Variants in CDYL observed in about 807,000 individuals in gnomAD.
CDYL encodes chromodomain Y-like protein.
In CDYL, 8 loss-of-function variants were observed where a neutral mutation model predicts 47.3. The observed-to-expected ratio is 0.17, with a 90% CI of 0.10 to 0.31. CDYL has a LOEUF of 0.31. Among genes scored for constraint, CDYL ranks in the 10% least tolerant of loss-of-function variants. CDYL has a pLI of 1.00. For missense variants in CDYL, 471 were observed against 701.4 expected (o/e 0.67, Z 3.71); for synonymous variants, 266 against 265.0 (o/e 1.00, Z -0.04).
intron 3 of CDYL, among the ~76,000 whole-genome samples, chr6:4,764,946 T>G (rs950410829): frequency 4.6e-5 from 7 of 152,132 alleles, no homozygotes; most frequent in African/African-American, 1.7e-4. Context: ...TGTATAAAAC[T>G]TAAGCAATTT....
At chr6:4,734,201 G>A (rs1757660185) in intron 2 of CDYL, among the ~76,000 whole-genome samples, 1 of 152,172 alleles carries the variant, frequency 6.6e-6, no homozygotes, top group African/African-American at 2.4e-5. Flanking sequence ...TAGGGGAAAG[G>A]TGCCTTTATG....
chr6:4,766,974 C>T (rs1190723727), intron 3 of CDYL, among the ~76,000 whole-genome samples: 1 of 151,886 alleles, frequency 6.6e-6, no homozygotes, highest in Non-Finnish European at 1.5e-5. Context: ...TGTACTCCAG[C>T]CTGGGTGACA....
At chr6:4,769,965 T>TGTGTG (rs1758313510) in intron 3 of CDYL, among the ~76,000 whole-genome samples, 1 of 137,816 alleles carries the variant, frequency 7.3e-6, no homozygotes, top group African/African-American at 2.7e-5. Context: ...CCCGGCTAAT[T>TGTGTG]TGTGTGTGTG....
At chr6:4,734,074 A>T (rs1339517942) in intron 2 of CDYL, among the ~76,000 whole-genome samples, 4 of 152,116 alleles carry the variant, frequency 2.6e-5, no homozygotes, top group African/African-American at 9.7e-5. Flanking sequence ...TCCTGGCCTC[A>T]GGTGATCCAT....
At chr6:4,712,582 T>C (rs1051895792) in intron 1 of CDYL, among the ~76,000 whole-genome samples, 1 of 152,226 alleles carries the variant, frequency 6.6e-6, no homozygotes, top group Non-Finnish European at 1.5e-5. Context: ...CAGCTGCGGA[T>C]GGTGGGTACT....
chr6:4,932,232 T>G (rs962133415), intron 2 of CDYL, among the ~76,000 whole-genome samples: 3 of 152,204 alleles, frequency 2.0e-5, no homozygotes, highest in African/African-American at 7.2e-5. Context: ...ATTGTGTTAA[T>G]TATCCTCATA....
At chr6:4,787,521 G>C (rs879476461) in intron 1 of CDYL, among the ~76,000 whole-genome samples, 2 of 152,170 alleles carry the variant, frequency 1.3e-5, no homozygotes, top group East Asian at 1.9e-4. Flanking sequence ...ATGTTGAAAA[G>C]ATCATGGAAA....
chr6:4,846,443 AT>A (rs1454096311), intron 1 of CDYL, among the ~76,000 whole-genome samples: 1 of 152,230 alleles, frequency 6.6e-6, no homozygotes, highest in Non-Finnish European at 1.5e-5. Context: ...GATTTACACT[AT>A]ACATGACAAA....
chr6:4,913,114 C>T (rs1198258017), intron 2 of CDYL, among the ~76,000 whole-genome samples: 4 of 152,182 alleles, frequency 2.6e-5, no homozygotes, highest in Non-Finnish European at 5.9e-5. Flanking sequence ...TTACTAAACT[C>T]TTAAAAGTTT....
intron 1 of CDYL, among the ~76,000 whole-genome samples, chr6:4,846,952 CCCT>C (rs1476268172): frequency 6.6e-6 from 1 of 152,112 alleles, no homozygotes; most frequent in African/African-American, 2.4e-5. Context: ...CAAAGTAGCC[CCCT>C]ATTAGGTTTC....
chr6:4,937,596 C>T lies in CDYL; in HGVS notation c.980C>T (p.Thr327Met), dbSNP rs148330526. ...VMREVQSALSTAAADDSKLVL... is the reference protein window; with the variant it reads ...VMREVQSALSMAAADDSKLVL... ...AGAGAAGTCCAGAGTGCTCTGAGCA[C>T]GGCCGCTGCCGATGACAGCAAGCTG... The change falls in exon 4 of 7, where the codon ACG becomes ATG. Residue 327 changes from threonine to methionine, a missense_variant. Thr to Met is a moderately conservative substitution (Grantham distance 81). This residue lies in a region of CDYL where 103 missense variants were observed against 277.1 expected (regional missense o/e 0.37). Transcript: ENST00000397588. 8.8e-6 allele frequency: 14 copies of T among 1,596,064 alleles called. No homozygotes were observed. The highest frequency in any genetic ancestry group is 2.3e-5 in the East Asian group (1 of 44,176).
intron 2 of CDYL, among the ~76,000 whole-genome samples, chr6:4,901,723 C>G (rs576973788): frequency 6.6e-6 from 1 of 152,302 alleles, no homozygotes; most frequent in African/African-American, 2.4e-5. Flanking sequence ...CACAGTATTA[C>G]TCAAGACTTT....
intron 2 of CDYL, among the ~76,000 whole-genome samples, chr6:4,926,466 T>G (rs1757876667): frequency 6.7e-6 from 1 of 149,510 alleles, no homozygotes; most frequent in Admixed American, 6.6e-5. Context: ...GAACTCTTTT[T>G]GCAGTTGAGA....
At chr6:4,833,973 A>G (rs923686586) in intron 1 of CDYL, among the ~76,000 whole-genome samples, 5 of 151,320 alleles carry the variant, frequency 3.3e-5, no homozygotes, top group South Asian at 2.1e-4. Flanking sequence ...GTGTCTCTGC[A>G]TGTGAGATGG....
intron 2 of CDYL, among the ~76,000 whole-genome samples, chr6:4,720,584 T>C (rs1319102939): frequency 1.3e-5 from 2 of 152,230 alleles, no homozygotes; most frequent in East Asian, 1.9e-4. Flanking sequence ...CTAAGATGCC[T>C]GAAATGAGTT....
At chr6:4,722,086 C>A (rs1279872732) in intron 2 of CDYL, among the ~76,000 whole-genome samples, 1 of 152,128 alleles carries the variant, frequency 6.6e-6, no homozygotes. Flanking sequence ...AACTCCTGAC[C>A]TTTTGATCCG....
intron 1 of CDYL, among the ~76,000 whole-genome samples, chr6:4,803,991 T>TTG (rs1759298809): frequency 6.6e-6 from 1 of 151,878 alleles, no homozygotes; most frequent in African/African-American, 2.4e-5. Context: ...TTTTTTTTTT[T>TTG]TTGCTCTCCT....
intron 1 of CDYL, among the ~76,000 whole-genome samples, chr6:4,870,752 ATTCT>A (rs1581225355): frequency 6.6e-6 from 1 of 151,856 alleles, no homozygotes; most frequent in Non-Finnish European, 1.5e-5. Context: ...ATGTTCACTG[ATTCT>A]TTCTTCTGCC....
intron 4 of CDYL, among the ~76,000 whole-genome samples, chr6:4,939,360 T>C (rs746249052): frequency 2.6e-5 from 4 of 152,142 alleles, no homozygotes; most frequent in Non-Finnish European, 5.9e-5. Flanking sequence ...AAGATGGCTC[T>C]GATGGGCACC....
Sources: gnomAD v4.1 joint callset for allele counts (sites outside exome capture counted in the v4.1 genomes callset) on GRCh38, gnomAD v4.1.1 for gene constraint, gnomAD v4.1.1 regional missense constraint, MANE v1.5 for transcripts, NCBI Gene and HGNC (gene_info 2026-07-23, HGNC 2026-07-21) for gene names.